The following CDC37L1 variants were observed in gnomAD, a reference collection of about 807,000 sequenced individuals.
CDC37L1 encodes the protein cell division cycle 37 like 1, HSP90 cochaperone.
CDC37L1 carries 32 observed loss-of-function variants against 45.9 expected under a neutral mutation model. The observed-to-expected ratio is 0.70, with a 90% CI of 0.53 to 0.94. The LOEUF (loss-of-function observed/expected upper bound fraction) is 0.94. Ranked by LOEUF, CDC37L1 falls within the 40% of genes least tolerant of loss-of-function variation. The probability of loss-of-function intolerance (pLI) is 0.00; values close to 1 mark genes in which losing one functional copy is unlikely to be tolerated. For missense variants in CDC37L1, 434 were observed against 405.7 expected (o/e 1.07, Z -0.60); for synonymous variants, 150 against 133.0 (o/e 1.13, Z -0.88).
At position 4,701,961 on chromosome 9, in the gene CDC37L1, T is replaced by C; in HGVS notation, c.845T>C (p.Met282Thr). The C allele has an allele frequency of 1.3e-6, 2 of 1,574,606 alleles. No individual in the cohort carries two copies. The highest frequency in any genetic ancestry group is 1.7e-6 in the Non-Finnish European group (2 of 1,163,578). ...TCTCAATCACAAAGTTTTCAACCTATGACAGTTCAGAATCATGTTCCCCAT... is the reference window on the plus strand; with the variant it reads ...TCTCAATCACAAAGTTTTCAACCTACGACAGTTCAGAATCATGTTCCCCAT... ...LYSQSQSFQP[M>T]TVQNHVPHSG... Residue 282 changes from methionine to threonine, a missense_variant, in exon 6 of 7, where the codon ATG becomes ACG. Met to Thr is a moderately conservative substitution (Grantham distance 81). Transcript: ENST00000381854.
intron 6 of CDC37L1, chr9:4,703,107 CT>C (rs1211844846): frequency 1.3e-6 from 2 of 1,542,156 alleles, no homozygotes; most frequent in East Asian, 4.9e-5. Context: ...TTAAGACCAG[CT>C]TTAGCCAGTT....
In CDC37L1 at chr9:4,679,885, G is replaced by C; in HGVS notation, c.118G>C (p.Gly40Arg). Residue 40 changes from glycine (G) to arginine (R), a missense_variant, in exon 1 of 7, where the codon GGC becomes CGC. Transcript: ENST00000381854. ...PSSPRCPQLPGGGAQMYSHGI... is the reference protein window; with the variant it reads ...PSSPRCPQLPRGGAQMYSHGI... ...TTCTCCCCGCTGCCCGCAGCTGCCA[G>C]GCGGCGGCGCCCAGGTGAGAAGGGG... is the stretch of plus-strand genomic sequence containing the variant. 6.2e-7 allele frequency: 1 copy of C among 1,613,830 alleles called. No homozygotes were observed. Among genetic ancestry groups the C allele is most frequent in the Non-Finnish European group, 8.5e-7 (1 of 1,179,938 alleles).
rs1489555111 is a variant in CDC37L1 at position 4,685,015 on chromosome 9, C to G, written c.271C>G (p.Gln91Glu). 3 of 1,614,082 alleles carry G rather than the reference C, an allele frequency of 1.9e-6. No individual in the cohort carries two copies. The highest frequency in any genetic ancestry group is 2.5e-6 in the Non-Finnish European group (3 of 1,179,998). ...ACTGCATAATTCTGAGTCCTTGGATCAGGAGCATGCCAAAGCACAAACAGC... is the reference window on the plus strand; with the variant it reads ...ACTGCATAATTCTGAGTCCTTGGATGAGGAGCATGCCAAAGCACAAACAGC... ...LALHNSESLD[Q>E]EHAKAQTAVS... Residue 91 changes from glutamine (Q) to glutamate (E), a missense_variant, in exon 2 of 7, where the codon CAG becomes GAG. Coordinates refer to ENST00000381854, the MANE Select transcript of CDC37L1 (RefSeq NM_017913.4).
chr9:4,704,860 C>A (rs1015300340), intron 6 of CDC37L1, among the ~76,000 whole-genome samples: 1 of 151,988 alleles, frequency 6.6e-6, no homozygotes, highest in Non-Finnish European at 1.5e-5. Context: ...TAGGTTTATC[C>A]TGTAGACTAG....
At chr9:4,701,727 C>T (rs1396049988) in intron 5 of CDC37L1, 137 bp from the exon 6 acceptor site, 10 of 530,174 alleles carry the variant, frequency 1.9e-5, no homozygotes, top group East Asian at 1.3e-4. Flanking sequence ...TGACAGGGAT[C>T]GTGGTGGTTT....
At chr9:4,700,385 C>T (rs1158025769) in intron 5 of CDC37L1, among the ~76,000 whole-genome samples, 3 of 152,206 alleles carry the variant, frequency 2.0e-5, no homozygotes, top group African/African-American at 7.2e-5. Context: ...TGGGCTCAAG[C>T]TGTCCTCCTG....
intron 3 of CDC37L1, among the ~76,000 whole-genome samples, chr9:4,694,799 G>T (rs1841331483): frequency 6.6e-6 from 1 of 152,170 alleles, no homozygotes; most frequent in Non-Finnish European, 1.5e-5. Flanking sequence ...GAACCCAGGA[G>T]GTGGAGGTTG....
At chr9:4,691,033 T>G (rs994524574) in intron 3 of CDC37L1, among the ~76,000 whole-genome samples, 1 of 152,144 alleles carries the variant, frequency 6.6e-6, no homozygotes, top group African/African-American at 2.4e-5. Flanking sequence ...TTGATAGAGG[T>G]GTGACACAAG....
At chr9:4,695,431 G>A (rs764831114) in intron 3 of CDC37L1, among the ~76,000 whole-genome samples, 16 of 152,118 alleles carry the variant, frequency 1.1e-4, no homozygotes, top group South Asian at 2.1e-4. Context: ...TGTCCAAAGC[G>A]TTGGGGAAAT....
At position 4,681,572 on chromosome 9, in the gene CDC37L1, G is replaced by A. The variant is rs534115691; in HGVS notation, c.132+1673G>A. ...GGCAGGAGAATTGTTGGAGGCAAAG[G>A]TTACAGTGAGCCGAGATCACACCAT... On this transcript the variant is annotated intron_variant, in intron 1 of 6. Coordinates refer to ENST00000381854, the MANE Select transcript of CDC37L1 (RefSeq NM_017913.4). Among the ~76,000 whole-genome samples, 5 of 151,390 alleles carry A rather than the reference G, an allele frequency of 3.3e-5. No individual in the cohort carries two copies. The East Asian group carries it at 7.8e-4, about 24-fold the overall frequency.
chr9:4,690,966 TGTA>T (rs1841295066), intron 3 of CDC37L1, among the ~76,000 whole-genome samples: 1 of 152,172 alleles, frequency 6.6e-6, no homozygotes, highest in Non-Finnish European at 1.5e-5. Flanking sequence ...TGGACCAACT[TGTA>T]GTCATGGGGA....
chr9:4,701,494 G>T (rs997385040), intron 5 of CDC37L1, among the ~76,000 whole-genome samples: 12 of 152,214 alleles, frequency 7.9e-5, no homozygotes, highest in African/African-American at 2.9e-4. Context: ...TTGTTTGGTA[G>T]TAGGAAGAAG....
rs368593684 is a variant in CDC37L1 at position 4,701,145 on chromosome 9, T to C, written c.748-719T>C. Among the ~76,000 whole-genome samples, 60 of 152,340 alleles carry C rather than the reference T, an allele frequency of 3.9e-4. 1 individual carries two copies. Among genetic ancestry groups the C allele is most frequent in the South Asian group, 3.1e-3 (15 of 4,826 alleles). The stretch of plus-strand genomic sequence containing the variant: ...CATTTGACAAGATCTCTTCCACTAC[T>C]TGAACTTAAAGCCTGCATTCTATTG... On this transcript the variant is annotated intron_variant, in intron 5 of 6. Transcript: ENST00000381854.
Position 4,697,343 on chromosome 9 carries a change from C to T in CDC37L1, c.624+132C>T, listed in dbSNP as rs1841357349. 4.9e-6 allele frequency: 3 copies of T among 615,744 alleles called. No individual in the cohort carries two copies. The South Asian group carries it at 5.6e-5, about 11-fold the overall frequency. The allele number at this position is 615,744 out of a possible 1,614,324, so 38.1% of individuals were successfully genotyped here. On this transcript the variant is annotated intron_variant, in intron 4 of 6. Coordinates refer to ENST00000381854, the MANE Select transcript of CDC37L1 (RefSeq NM_017913.4). Reference sequence around the variant, plus strand: ...CAGGAAGGTCATTAGATGGAATTACCATTTTTTGCTTCCAGATCTACTTGA... The same window carrying T: ...CAGGAAGGTCATTAGATGGAATTACTATTTTTTGCTTCCAGATCTACTTGA...
At chr9:4,699,855 T>C (rs376385666) in intron 5 of CDC37L1, among the ~76,000 whole-genome samples, 5 of 152,310 alleles carry the variant, frequency 3.3e-5, no homozygotes, top group East Asian at 1.9e-4. Flanking sequence ...TATTTGAACA[T>C]ATACAATTAG....
At chr9:4,685,705 G>A (rs892615795) in intron 2 of CDC37L1, among the ~76,000 whole-genome samples, 1 of 152,082 alleles carries the variant, frequency 6.6e-6, no homozygotes, top group South Asian at 2.1e-4. Flanking sequence ...AAGAATGAAG[G>A]CTTAGACTTT....
chr9:4,686,250 G>C (rs1405018081), intron 2 of CDC37L1, among the ~76,000 whole-genome samples: 1 of 152,146 alleles, frequency 6.6e-6, no homozygotes, highest in Admixed American at 6.5e-5. Context: ...ACCAGCTCTA[G>C]TTCTGCTACA....
intron 2 of CDC37L1, among the ~76,000 whole-genome samples, chr9:4,686,786 A>G (rs986980120): frequency 6.6e-6 from 1 of 152,182 alleles, no homozygotes; most frequent in Non-Finnish European, 1.5e-5. Flanking sequence ...ATCCAACTTG[A>G]TAGCCACTAG....
Position 4,697,085 on chromosome 9 carries a change from T to G in CDC37L1, c.509-11T>G, listed in dbSNP as rs1332018388. Reference sequence around the variant, plus strand: ...TATTTGACACTTATGGTTCAATTCTTTTTTTTACAGGTATGTTGAGTCGAT... The same window carrying G: ...TATTTGACACTTATGGTTCAATTCTGTTTTTTACAGGTATGTTGAGTCGAT... On this transcript the variant is annotated splice_polypyrimidine_tract_variant and intron_variant, in intron 3 of 6. Coordinates refer to ENST00000381854, the MANE Select transcript of CDC37L1 (RefSeq NM_017913.4). 8.2e-7 allele frequency: 1 copy of G among 1,222,876 alleles called. No homozygotes were observed. The highest frequency in any genetic ancestry group is 2.4e-5 in the East Asian group (1 of 42,516). The allele number at this position is 1,222,876 out of a possible 1,614,324, so 75.8% of individuals were successfully genotyped here.
Sources: gnomAD v4.1 joint callset for allele counts (sites outside exome capture counted in the v4.1 genomes callset) on GRCh38, gnomAD v4.1.1 for gene constraint, MANE v1.5 for transcripts, NCBI Gene and HGNC (gene_info 2026-07-23, HGNC 2026-07-21) for gene names.